The following CLIC5 variants were observed in gnomAD, a reference collection of about 807,000 sequenced individuals.
CLIC5 encodes chloride intracellular channel protein 5.
Under a neutral mutation model 24.7 loss-of-function variants are expected in CLIC5, and 20 were observed. The ratio of observed to expected loss-of-function variants is 0.81; its 90% CI spans 0.57 to 1.18. CLIC5 has a LOEUF of 1.18. Ranked by LOEUF, CLIC5 falls within the 50% of genes most tolerant of loss-of-function variation. The probability of loss-of-function intolerance (pLI) is 0.00; values close to 1 mark genes in which losing one functional copy is unlikely to be tolerated. For synonymous variants in CLIC5, 159 were observed against 135.6 expected, an observed-to-expected ratio of 1.17 and a Z score of -1.20; for missense variants, 341 against 326.1, an observed-to-expected ratio of 1.05 and a Z score of -0.35.
chr6:45,942,783 G>T (rs1005108741), intron 3 of CLIC5, among the ~76,000 whole-genome samples: 3 of 152,246 alleles, frequency 2.0e-5, no homozygotes, highest in Non-Finnish European at 4.4e-5. Context: ...GGCCATGTTA[G>T]GTGGCTGTGT....
chr6:46,108,368 TTGTGTGTGTGTGTG>T, the CLIC5 span, among the ~76,000 whole-genome samples: 2 of 142,570 alleles, frequency 1.4e-5, no homozygotes, highest in African/African-American at 2.6e-5. Context: ...TATCGGGTCT[TTGTGTGTGTGTGTG>T]TGTGTGTGTG....
the CLIC5 span, among the ~76,000 whole-genome samples, chr6:46,115,328 C>T: frequency 6.6e-6 from 1 of 152,176 alleles, no homozygotes; most frequent in Non-Finnish European, 1.5e-5. Context: ...TAGATTCTGA[C>T]TTTCCCATCT....
chr6:45,921,251 AG>A (rs1434601052), intron 4 of CLIC5, among the ~76,000 whole-genome samples: 1 of 152,178 alleles, frequency 6.6e-6, no homozygotes, highest in Non-Finnish European at 1.5e-5. Flanking sequence ...AATGGCAGCA[AG>A]GTTTTAGAAG....
chr6:45,890,736 AAAAAC>A (rs1201154709), intron 6 of CLIC5, among the ~76,000 whole-genome samples: 1 of 152,240 alleles, frequency 6.6e-6, no homozygotes, highest in Non-Finnish European at 1.5e-5. Context: ...TCAGCCTTAA[AAAAAC>A]AAAACAAAAC....
At chr6:46,101,172 G>A in the CLIC5 span, among the ~76,000 whole-genome samples, 1 of 152,144 alleles carries the variant, frequency 6.6e-6, no homozygotes, top group East Asian at 1.9e-4. Flanking sequence ...AAAATACTCA[G>A]GTTGTAAGAC....
chr6:46,122,163 TGA>T, the CLIC5 span, among the ~76,000 whole-genome samples: 1 of 152,178 alleles, frequency 6.6e-6, no homozygotes, highest in Non-Finnish European at 1.5e-5. Context: ...ATTCCAAAAC[TGA>T]CCACATAGTT....
upstream of CLIC5, among the ~76,000 whole-genome samples, chr6:46,085,094 G>A (rs150254422): frequency 0.022 from 3,349 of 152,100 alleles, 123 homozygotes; most frequent in African/African-American, 0.076. Flanking sequence ...CATTCTTCAC[G>A]TAGTTCTGGA....
chr6:45,941,404 G>GT, intron 4 of CLIC5, 143 bp downstream of exon 4: 3 of 679,604 alleles, frequency 4.4e-6, no homozygotes, highest in Admixed American at 4.4e-5. Context: ...GGTGGTGGCG[G>GT]GGGGTGGGGG....
At chr6:46,086,226 G>T in the CLIC5 span, among the ~76,000 whole-genome samples, 5 of 152,350 alleles carry the variant, frequency 3.3e-5, no homozygotes, top group South Asian at 1.0e-3. Flanking sequence ...CCCTGCTTCG[G>T]CTCGTGCACG....
chr6:45,988,113 C>G (rs2127420652), intron 1 of CLIC5, among the ~76,000 whole-genome samples: 1 of 152,268 alleles, frequency 6.6e-6, no homozygotes, highest in South Asian at 2.1e-4. Context: ...AGGCAAAATT[C>G]CTTCGCAGCT....
chr6:46,003,586 C>T lies in CLIC5; in HGVS notation c.63+11894G>A, dbSNP rs569583740. Among the ~76,000 whole-genome samples, 15 of 152,282 alleles carry T rather than the reference C, an allele frequency of 9.9e-5. No individual in the cohort carries two copies. In the South Asian group the frequency reaches 3.1e-3, roughly 32 times the overall value. Reference sequence around the variant, plus strand: ...AGAGCAGTAGAAGACCACTCGCCTACCAAATCTCTCCTACATTTGAATGTC... The same window carrying T: ...AGAGCAGTAGAAGACCACTCGCCTATCAAATCTCTCCTACATTTGAATGTC... On this transcript the variant is annotated intron_variant, in intron 1 of 5. Coordinates refer to ENST00000339561, the MANE Select transcript of CLIC5 (RefSeq NM_016929.5).
intron 1 of CLIC5, among the ~76,000 whole-genome samples, chr6:46,025,155 G>A (rs957968219): frequency 5.9e-5 from 9 of 152,024 alleles, no homozygotes; most frequent in Admixed American, 5.2e-4. Context: ...CAACCTCTCG[G>A]AGCCTCAGTT....
At chr6:46,002,607 G>C (rs926089093) in intron 1 of CLIC5, among the ~76,000 whole-genome samples, 1 of 152,202 alleles carries the variant, frequency 6.6e-6, no homozygotes, top group Non-Finnish European at 1.5e-5. Context: ...TAATGTGTCA[G>C]CTGGGGCTAC....
intron 6 of CLIC5, among the ~76,000 whole-genome samples, chr6:45,893,019 G>C (rs1314774246): frequency 6.6e-6 from 1 of 152,146 alleles, no homozygotes; most frequent in Admixed American, 6.5e-5. Context: ...CCCTTATACA[G>C]TTCCCTTTTC....
intron 4 of CLIC5, chr6:45,920,117 A>T (rs1039298510): frequency 1.1e-5 from 11 of 961,718 alleles, no homozygotes; most frequent in Non-Finnish European, 1.4e-5. Flanking sequence ...TGACTCCCCC[A>T]TGCCTTACCT....
chr6:46,019,618 G>A (rs1362580180), upstream of CLIC5, among the ~76,000 whole-genome samples: 6 of 148,880 alleles, frequency 4.0e-5, no homozygotes, highest in South Asian at 2.1e-4. Flanking sequence ...CCCGGGAAGC[G>A]GAGCTTGCAG....
upstream of CLIC5, among the ~76,000 whole-genome samples, chr6:46,018,421 T>C (rs1767082000): frequency 6.6e-6 from 1 of 152,224 alleles, no homozygotes; most frequent in Non-Finnish European, 1.5e-5. Context: ...TAACATTTTA[T>C]AGGAAATATC....
At chr6:46,057,870 A>T (rs999936754) in intron 1 of CLIC5, among the ~76,000 whole-genome samples, 2 of 152,142 alleles carry the variant, frequency 1.3e-5, no homozygotes, top group African/African-American at 4.8e-5. Flanking sequence ...ACTCTATTTT[A>T]TGAACTACTT....
chr6:45,914,144 A>T, intron 5 of CLIC5, 84 bp downstream of exon 5: 1 of 1,113,330 alleles, frequency 9.0e-7, no homozygotes, highest in Non-Finnish European at 1.2e-6. Context: ...AACAGGTGGT[A>T]CTGTCCTTGA....
Sources: gnomAD v4.1 joint callset for allele counts (sites outside exome capture counted in the v4.1 genomes callset) on GRCh38, gnomAD v4.1.1 for gene constraint, MANE v1.5 for transcripts, NCBI Gene and HGNC (gene_info 2026-07-23, HGNC 2026-07-21) for gene names.